Variants in SMC3 observed in about 807,000 individuals in gnomAD.
SMC3 encodes the protein structural maintenance of chromosomes protein 3.
A neutral mutation model predicts 171.8 loss-of-function variants in SMC3; 20 were observed. The ratio of observed to expected loss-of-function variants is 0.12; its 90% confidence interval spans 0.08 to 0.17. The LOEUF (loss-of-function observed/expected upper bound fraction) is 0.17. Ranked by LOEUF, SMC3 falls within the 10% of genes least tolerant of loss-of-function variation. The pLI, the probability that SMC3 is intolerant of heterozygous loss-of-function variation, is 1.00. For missense variants in SMC3, 543 were observed against 1,420.4 expected, an observed-to-expected ratio of 0.38 and a Z score of 9.93; for synonymous variants, 464 against 451.1, an observed-to-expected ratio of 1.03 and a Z score of -0.36.
At chr10:110,584,675 G>A (rs1861082420) in intron 13 of SMC3, among the ~76,000 whole-genome samples, 1 of 152,038 alleles carries the variant, frequency 6.6e-6, no homozygotes, top group Non-Finnish European at 1.5e-5. Flanking sequence ...ACCCAATCTG[G>A]AGTGCAGTGG....
intron 2 of SMC3, among the ~76,000 whole-genome samples, chr10:110,572,108 C>T (rs1272689605): frequency 6.6e-6 from 1 of 152,174 alleles, no homozygotes; most frequent in Admixed American, 6.5e-5. Flanking sequence ...AGAGACTACT[C>T]ATAAACCCTT....
At chr10:110,603,589 C>T (rs1861420618) in intron 28 of SMC3, among the ~76,000 whole-genome samples, 1 of 152,302 alleles carries the variant, frequency 6.6e-6, no homozygotes, top group East Asian at 1.9e-4. Flanking sequence ...GACTGCATAG[C>T]TCTTCCTGGG....
At chr10:110,594,716 C>G (rs1426107830) in intron 18 of SMC3, among the ~76,000 whole-genome samples, 1 of 152,008 alleles carries the variant, frequency 6.6e-6, no homozygotes, top group African/African-American at 2.4e-5. Context: ...CCATCTCCCC[C>G]CAAGCTTTGT....
chr10:110,570,136 G>T (rs1162050733), intron 2 of SMC3, among the ~76,000 whole-genome samples: 2 of 152,190 alleles, frequency 1.3e-5, no homozygotes, highest in Admixed American at 6.5e-5. Context: ...ATGGACAGCT[G>T]CTGTCTTGCT....
intron 13 of SMC3, among the ~76,000 whole-genome samples, chr10:110,586,600 A>G (rs1048579071): frequency 2.0e-5 from 3 of 152,152 alleles, no homozygotes; most frequent in African/African-American, 4.8e-5. Context: ...CAGAATGACC[A>G]CTTGTAAAGA....
At chr10:110,576,878 T>G (rs1860958432) in intron 4 of SMC3, among the ~76,000 whole-genome samples, 1 of 152,204 alleles carries the variant, frequency 6.6e-6, no homozygotes, top group Non-Finnish European at 1.5e-5. Context: ...ATGTGTATAT[T>G]TCTATAATAG....
chr10:110,584,039 T>C (rs1437688035), intron 12 of SMC3, 77 bp downstream of exon 12: 2 of 1,560,044 alleles, frequency 1.3e-6, no homozygotes, highest in Non-Finnish European at 1.8e-6. Context: ...AGCTCAATTA[T>C]ATAGTAGCTG....
At chr10:110,589,794 G>C in intron 14 of SMC3, 86 bp downstream of exon 14, 1 of 1,451,826 alleles carries the variant, frequency 6.9e-7, no homozygotes, top group Non-Finnish European at 9.7e-7. Context: ...AAGTTAACCG[G>C]TCAGGCTTGT....
Position 110,601,465 on chromosome 10 carries a change from A to G in SMC3, c.2645-172A>G, listed in dbSNP as rs369369818. On this transcript the variant is annotated intron_variant, in intron 23 of 28. Transcript: ENST00000361804. ...TGAAAATTATATATTTGAGTGACTC[A>G]TATATACTTCTAATTTTGTACTGAC... Among the ~76,000 whole-genome samples the G allele has an allele frequency of 2.9e-3, 444 of 152,306 alleles. 2 individuals are homozygous for G. Among genetic ancestry groups the G allele is most frequent in the African/African-American group, 0.01 (424 of 41,576 alleles).
intron 17 of SMC3, 135 bp downstream of exon 17, chr10:110,591,267 T>A (rs1288370133): frequency 7.9e-6 from 7 of 887,776 alleles, no homozygotes; most frequent in Non-Finnish European, 1.2e-5. Flanking sequence ...TGTCTTCCCA[T>A]GGACCTTAGT....
At chr10:110,579,477 C>T (rs1861000164) in intron 7 of SMC3, among the ~76,000 whole-genome samples, 1 of 152,150 alleles carries the variant, frequency 6.6e-6, no homozygotes, top group South Asian at 2.1e-4. Flanking sequence ...CCTTTTACTT[C>T]ATTTCAGTTT....
intron 13 of SMC3, among the ~76,000 whole-genome samples, chr10:110,584,697 C>G (rs1026287501): frequency 1.3e-5 from 2 of 152,202 alleles, no homozygotes; most frequent in African/African-American, 2.4e-5. Context: ...ACAAACACAA[C>G]TCACTGCAGC....
intron 16 of SMC3, 100 bp downstream of exon 16, chr10:110,590,672 T>C (rs1462353020): frequency 4.0e-6 from 4 of 1,005,804 alleles, no homozygotes; most frequent in Middle Eastern, 3.1e-4. Context: ...CCATTATCTT[T>C]TTATATCTCG....
chr10:110,585,129 C>T (rs1276571614), intron 13 of SMC3, among the ~76,000 whole-genome samples: 1 of 151,448 alleles, frequency 6.6e-6, no homozygotes, highest in Admixed American at 6.6e-5. Context: ...TACAGGCATG[C>T]ACCACCAAGC....
Position 110,567,744 on chromosome 10 carries a change from G to C in SMC3, c.-73G>C. On this transcript the variant is annotated 5_prime_UTR_variant, in exon 1 of 29. Coordinates refer to ENST00000361804, the MANE Select transcript of SMC3 (RefSeq NM_005445.4). ...GCTTTGGGGGAGGGGTCGCGTAGGC[G>C]CCTCACCTGACCCTGCGGCCGTGCG... 7 of 1,583,124 alleles carry C rather than the reference G, an allele frequency of 4.4e-6. No individual in the cohort carries two copies. Among genetic ancestry groups the C allele is most frequent in the South Asian group, 1.1e-5 (1 of 90,408 alleles).
rs763580038 is a variant in SMC3, at chr10:110,583,981, A to G, written c.1091+19A>G. 30 of 1,612,684 alleles carry G rather than the reference A, an allele frequency of 1.9e-5. No homozygotes were observed. The Admixed American group carries it at 5.0e-4, about 27-fold the overall frequency. ...TTGCTAGGTCTGAGAACTTTCACCA[A>G]CACTTTAACTTTCTACATCATATTA... On this transcript the variant is annotated intron_variant, in intron 12 of 28. Coordinates refer to ENST00000361804, the MANE Select transcript of SMC3 (RefSeq NM_005445.4).
At chr10:110,583,207 C>T (rs749726923) in intron 10 of SMC3, among the ~76,000 whole-genome samples, 177 bp from the exon 11 acceptor site, 1 of 151,914 alleles carries the variant, frequency 6.6e-6, no homozygotes, top group Non-Finnish European at 1.5e-5. Flanking sequence ...ATGTTTTTGA[C>T]CATAGTAAAC....
intron 4 of SMC3, among the ~76,000 whole-genome samples, chr10:110,575,605 T>C (rs1860934693): frequency 6.6e-6 from 1 of 152,202 alleles, no homozygotes; most frequent in Admixed American, 6.5e-5. Flanking sequence ...TACAGTGGTT[T>C]AGGAGAAAAT....
Position 110,605,114 on chromosome 10 carries a change from T to C in SMC3, c.*812T>C, listed in dbSNP as rs1861448810. Among the ~76,000 whole-genome samples, 1 of 152,158 alleles carries C rather than the reference T, an allele frequency of 6.6e-6. No homozygotes were observed. The highest frequency in any genetic ancestry group is 2.4e-5 in the African/African-American group (1 of 41,444). On this transcript the variant is annotated 3_prime_UTR_variant, in exon 29 of 29. Transcript: ENST00000361804. Reference sequence around the variant, plus strand: ...GAGCTAATACCACAGAAGCGAAGTATTCTCATTACCTCATATAATAGTACA... The same window carrying C: ...GAGCTAATACCACAGAAGCGAAGTACTCTCATTACCTCATATAATAGTACA...
Sources: gnomAD v4.1 joint callset for allele counts (sites outside exome capture counted in the v4.1 genomes callset) on GRCh38, gnomAD v4.1.1 for gene constraint, MANE v1.5 for transcripts, NCBI Gene and HGNC (gene_info 2026-07-23, HGNC 2026-07-21) for gene names.